OXR1: variants seen among roughly 807,000 people sequenced by gnomAD.
The protein encoded by OXR1 is oxidation resistance 1, also known as oxidation resistance protein 1.
Under a neutral mutation model 104.6 loss-of-function variants are expected in OXR1, and 41 were observed. The ratio of observed to expected loss-of-function variants is 0.39; its 90% CI spans 0.31 to 0.51. OXR1 has a LOEUF of 0.51. OXR1 is among the 20% of genes least tolerant of loss of function. The pLI is 0.77. For missense variants in OXR1, 955 were observed against 1,031.9 expected, an observed-to-expected ratio of 0.93 and a Z score of 1.02; for synonymous variants, 348 against 348.4, an observed-to-expected ratio of 1.00 and a Z score of 0.01.
intron 2 of OXR1, among the ~76,000 whole-genome samples, chr8:106,425,035 A>T (rs1300208131): frequency 6.8e-6 from 1 of 147,706 alleles, no homozygotes; most frequent in East Asian, 2.0e-4. Flanking sequence ...TGAGTACTAA[A>T]TTTCACTCTA....
At chr8:106,699,952 G>T (rs1830440796) in intron 7 of OXR1, among the ~76,000 whole-genome samples, 1 of 152,140 alleles carries the variant, frequency 6.6e-6, no homozygotes, top group Non-Finnish European at 1.5e-5. Flanking sequence ...CTCTTTGCTA[G>T]GATGGATTCC....
chr8:106,636,869 G>A (rs1338529757), intron 3 of OXR1, among the ~76,000 whole-genome samples: 1 of 152,128 alleles, frequency 6.6e-6, no homozygotes, highest in Non-Finnish European at 1.5e-5. Context: ...CTATTTATAG[G>A]AAGCCGCATT....
intron 11 of OXR1, among the ~76,000 whole-genome samples, chr8:106,722,885 T>C (rs889993443): frequency 1.3e-5 from 2 of 152,210 alleles, no homozygotes; most frequent in African/African-American, 4.8e-5. Flanking sequence ...ATGTTTTCTT[T>C]TATTAGCATT....
intron 11 of OXR1, among the ~76,000 whole-genome samples, chr8:106,723,865 C>T (rs1460241682): frequency 6.6e-6 from 1 of 152,144 alleles, no homozygotes; most frequent in Non-Finnish European, 1.5e-5. Flanking sequence ...TCACAGCTCA[C>T]TGCATCCTCG....
intron 2 of OXR1, among the ~76,000 whole-genome samples, chr8:106,506,485 C>T (rs961477306): frequency 7.9e-5 from 12 of 152,024 alleles, no homozygotes; most frequent in Non-Finnish European, 1.5e-4. Flanking sequence ...TGGTGGCGGG[C>T]ACCTGTAGTC....
chr8:106,415,642 A>C (rs1356038460), intron 2 of OXR1, among the ~76,000 whole-genome samples: 2 of 151,922 alleles, frequency 1.3e-5, no homozygotes, highest in Admixed American at 1.3e-4. Flanking sequence ...GGCAAACCAA[A>C]AAGTTACATA....
chr8:106,339,585 CAAT>C (rs1815156310), intron 1 of OXR1, among the ~76,000 whole-genome samples: 1 of 124,296 alleles, frequency 8.0e-6, no homozygotes, highest in African/African-American at 3.0e-5. Flanking sequence ...AATAGATACT[CAAT>C]AATCATTATA....
At chr8:106,577,219 T>G (rs980866085) in intron 3 of OXR1, among the ~76,000 whole-genome samples, 1 of 138,252 alleles carries the variant, frequency 7.2e-6, no homozygotes, top group African/African-American at 3.1e-5. Context: ...TTGTTTTTTG[T>G]TTTTTTTTTG....
In OXR1 at chr8:106,686,871, C is replaced by T. The variant is rs1026867127; in HGVS notation, c.525+2512C>T. Among the ~76,000 whole-genome samples the T allele has an allele frequency of 3.3e-5, 5 of 151,554 alleles. No homozygotes were observed. The South Asian group carries it at 8.3e-4, about 25-fold the overall frequency. Reference sequence around the variant, plus strand: ...TCTTTATTTTTCACTTTTTTTTGTTCACATATGGAGGAAGAAATATAGAAG... The same window carrying T: ...TCTTTATTTTTCACTTTTTTTTGTTTACATATGGAGGAAGAAATATAGAAG... On this transcript the variant is annotated intron_variant, in intron 6 of 16. Transcript: ENST00000517566.
At chr8:106,467,012 G>A (rs1333513332) in intron 2 of OXR1, among the ~76,000 whole-genome samples, 1 of 151,788 alleles carries the variant, frequency 6.6e-6, no homozygotes, top group Non-Finnish European at 1.5e-5. Flanking sequence ...AAACTAAGGA[G>A]TATCCTTTCC....
chr8:106,312,993 T>A (rs191050881), intron 1 of OXR1, among the ~76,000 whole-genome samples: 1 of 152,284 alleles, frequency 6.6e-6, no homozygotes, highest in African/African-American at 2.4e-5. Context: ...ACTTTCTTAT[T>A]AAGAAAAGTG....
At position 106,751,053 on chromosome 8, in the gene OXR1, T is replaced by C. The variant is rs1835856483; in HGVS notation, c.*112T>C. ...TAACATGTCACTTGTGCTTTAAAAT[T>C]AGTCTGTATCACCATTTATTACAGT... On this transcript the variant is annotated 3_prime_UTR_variant, in exon 17 of 17. Transcript: ENST00000517566. The C allele has an allele frequency of 1.3e-6, 1 of 760,440 alleles. No homozygotes were observed. Among genetic ancestry groups the C allele is most frequent in the Admixed American group, 2.8e-5 (1 of 35,622 alleles). 47.1% of individuals were successfully genotyped at this position (760,440 alleles called of 1,614,324 possible). A position where few individuals can be genotyped will look rare whatever the true frequency, so the allele number is the denominator to read the frequency against.
At chr8:106,275,779 GC>G in intron 1 of OXR1, among the ~76,000 whole-genome samples, 1 of 151,758 alleles carries the variant, frequency 6.6e-6, no homozygotes, top group East Asian at 1.9e-4. Flanking sequence ...GAATTCAGGA[GC>G]AACAACAAAC....
chr8:106,287,460 G>A (rs527789276), intron 1 of OXR1, among the ~76,000 whole-genome samples: 1 of 152,218 alleles, frequency 6.6e-6, no homozygotes, highest in South Asian at 2.1e-4. Context: ...TCCAAGGTGT[G>A]GTCTGAATGG....
chr8:106,727,904 C>A (rs529280158), intron 11 of OXR1, among the ~76,000 whole-genome samples: 23 of 152,112 alleles, frequency 1.5e-4, no homozygotes, highest in Admixed American at 1.1e-3. Flanking sequence ...CTAGTTGAAG[C>A]ATGGAGTGGT....
intron 3 of OXR1, among the ~76,000 whole-genome samples, chr8:106,675,999 T>G (rs1827548376): frequency 1.3e-5 from 2 of 152,184 alleles, no homozygotes; most frequent in African/African-American, 4.8e-5. Context: ...ATATCTAGGA[T>G]AGTTAGATCT....
At chr8:106,691,027 G>A (rs1322381260) in intron 6 of OXR1, among the ~76,000 whole-genome samples, 1 of 151,758 alleles carries the variant, frequency 6.6e-6, no homozygotes, top group Non-Finnish European at 1.5e-5. Flanking sequence ...ATTCATTTAT[G>A]GTAATGGTTT....
At chr8:106,403,493 A>T (rs1490493257) in intron 2 of OXR1, among the ~76,000 whole-genome samples, 2 of 152,250 alleles carry the variant, frequency 1.3e-5, no homozygotes, top group Admixed American at 1.3e-4. Flanking sequence ...CTCTTCAAGA[A>T]TGATGGGGCC....
intron 3 of OXR1, among the ~76,000 whole-genome samples, chr8:106,608,913 T>C (rs186490017): frequency 4.1e-4 from 62 of 152,362 alleles, no homozygotes; most frequent in African/African-American, 1.4e-3. Flanking sequence ...TTCTAGCTGA[T>C]GCTTGCTACA....
Sources: gnomAD v4.1 joint callset for allele counts (sites outside exome capture counted in the v4.1 genomes callset) on GRCh38, gnomAD v4.1.1 for gene constraint, MANE v1.5 for transcripts, NCBI Gene and HGNC (gene_info 2026-07-23, HGNC 2026-07-21) for gene names.